Variants in PACSIN2 observed in about 807,000 individuals in gnomAD.
PACSIN2 encodes protein kinase C and casein kinase substrate in neurons protein 2.
PACSIN2 carries 25 observed loss-of-function variants against 63.8 expected under a neutral mutation model. That is an observed-to-expected ratio of 0.39 (90% confidence interval 0.29 to 0.55). The LOEUF is 0.55. Ranked by LOEUF, PACSIN2 falls within the 20% of genes least tolerant of loss-of-function variation. The pLI is 0.62. For synonymous variants in PACSIN2, 255 were observed against 256.2 expected (o/e 1.00, Z 0.05); for missense variants, 518 against 646.9 (o/e 0.80, Z 2.16).
intron 1 of PACSIN2, among the ~76,000 whole-genome samples, chr22:42,951,356 C>G (rs1933683444): frequency 6.6e-6 from 1 of 152,234 alleles, no homozygotes; most frequent in African/African-American, 2.4e-5. Context: ...GCCCAGGGCT[C>G]AGCCTCCTCT....
Position 43,007,607 on chromosome 22 carries a change from C to T in PACSIN2, c.-78+7414G>A, listed in dbSNP as rs527832402. 2.0e-4 allele frequency among the ~76,000 whole-genome samples: 31 copies of T among 152,318 alleles called. 2 individuals carry two copies. In the South Asian group the frequency reaches 6.4e-3, roughly 32 times the overall value. On this transcript the variant is annotated intron_variant, in intron 1 of 10. Coordinates refer to ENST00000263246, the MANE Select transcript of PACSIN2 (RefSeq NM_001184970.3). ...AGCACCTGTGGCTCTGGCACAATCC[C>T]TCCCAAGTCACTTCCCTGAAGGTCA...
At chr22:42,947,672 G>T (rs901784056) in intron 1 of PACSIN2, among the ~76,000 whole-genome samples, 2 of 141,064 alleles carry the variant, frequency 1.4e-5, no homozygotes, top group African/African-American at 5.1e-5. Context: ...AGACCCCTGG[G>T]GGTGGGGGGG....
intron 1 of PACSIN2, among the ~76,000 whole-genome samples, chr22:42,960,188 C>G (rs1601581799): frequency 6.6e-6 from 1 of 152,328 alleles, no homozygotes; most frequent in Middle Eastern, 3.4e-3. Flanking sequence ...CTAATATCTT[C>G]TTGTATTTGG....
chr22:43,006,390 C>G (rs893992945), intron 1 of PACSIN2, among the ~76,000 whole-genome samples: 4 of 152,222 alleles, frequency 2.6e-5, no homozygotes, highest in African/African-American at 4.8e-5. Context: ...CGAACCCACA[C>G]CCAAGGGCTG....
At chr22:42,975,799 T>C (rs571684921) in intron 1 of PACSIN2, among the ~76,000 whole-genome samples, 1 of 152,282 alleles carries the variant, frequency 6.6e-6, no homozygotes, top group African/African-American at 2.4e-5. Context: ...CATTTATTAG[T>C]ATGTTCCAAA....
intron 1 of PACSIN2, chr22:42,947,134 C>G (rs1365692116): frequency 6.6e-6 from 1 of 152,260 alleles, no homozygotes; most frequent in Admixed American, 6.5e-5. Flanking sequence ...CAGAAAGATT[C>G]TCCTGGCATA....
At chr22:42,982,197 C>T (rs1922220513) in intron 1 of PACSIN2, among the ~76,000 whole-genome samples, 1 of 97,530 alleles carries the variant, frequency 1.0e-5, no homozygotes, top group Non-Finnish European at 2.1e-5. Flanking sequence ...GCCGCCCCTA[C>T]TGGGAAGTGA....
At chr22:42,893,649 G>C in intron 2 of PACSIN2, 36 bp from the exon 3 acceptor site, 1 of 1,600,158 alleles carries the variant, frequency 6.2e-7, no homozygotes. Flanking sequence ...CAGGGGGCTT[G>C]GGGCAGCCTG....
intron 8 of PACSIN2, 150 bp downstream of exon 8, chr22:42,878,898 C>T (rs1928850639): frequency 3.5e-6 from 3 of 864,874 alleles, no homozygotes; most frequent in Admixed American, 6.0e-5. Flanking sequence ...CCAGGAACCT[C>T]CCAGGTGTCC....
intron 1 of PACSIN2, chr22:42,947,048 C>CT (rs2146817666): frequency 6.6e-6 from 1 of 152,406 alleles, no homozygotes; most frequent in Non-Finnish European, 1.5e-5. Flanking sequence ...ACAGCTCTCC[C>CT]TTAAGCTGCA....
intron 1 of PACSIN2, among the ~76,000 whole-genome samples, chr22:42,926,798 T>C (rs370192258): frequency 5.3e-5 from 8 of 151,262 alleles, no homozygotes; most frequent in African/African-American, 1.7e-4. Flanking sequence ...CGCCTGTGAA[T>C]AGCCACTGCA....
At chr22:42,923,529 G>C (rs941136797) in intron 1 of PACSIN2, among the ~76,000 whole-genome samples, 4 of 152,108 alleles carry the variant, frequency 2.6e-5, no homozygotes, top group African/African-American at 9.7e-5. Context: ...CCGGGTTCAC[G>C]CCATTCTCCT....
At chr22:43,013,703 G>T (rs1924650898) in intron 1 of PACSIN2, among the ~76,000 whole-genome samples, 1 of 152,222 alleles carries the variant, frequency 6.6e-6, no homozygotes, top group African/African-American at 2.4e-5. Flanking sequence ...GCACCGAAAA[G>T]GAGGGAAGGA....
chr22:42,932,063 C>T (rs941008043), intron 1 of PACSIN2, among the ~76,000 whole-genome samples: 1 of 152,166 alleles, frequency 6.6e-6, no homozygotes, highest in African/African-American at 2.4e-5. Context: ...ACCCTAACTC[C>T]TCCGCTGTAC....
intron 1 of PACSIN2, among the ~76,000 whole-genome samples, chr22:42,986,221 T>G (rs552461228): frequency 6.6e-6 from 1 of 152,228 alleles, no homozygotes; most frequent in East Asian, 1.9e-4. Context: ...AAAGAGAACT[T>G]GACCAACAGA....
intron 1 of PACSIN2, among the ~76,000 whole-genome samples, chr22:42,988,942 C>T (rs1922818121): frequency 6.6e-6 from 1 of 151,990 alleles, no homozygotes; most frequent in East Asian, 1.9e-4. Flanking sequence ...TGCAGTGGCG[C>T]AATCATGGCT....
chr22:42,943,281 T>A (rs1451037720), intron 1 of PACSIN2, among the ~76,000 whole-genome samples: 1 of 152,124 alleles, frequency 6.6e-6, no homozygotes. Flanking sequence ...ATTCTAAGAG[T>A]TTTTTTGGTG....
At chr22:42,936,345 T>A (rs1367201194) in intron 1 of PACSIN2, among the ~76,000 whole-genome samples, 2 of 152,088 alleles carry the variant, frequency 1.3e-5, no homozygotes, top group Admixed American at 1.3e-4. Context: ...AAACAATCCA[T>A]GTTGGTTCCC....
chr22:42,897,906 G>A (rs1032711570), intron 2 of PACSIN2, among the ~76,000 whole-genome samples: 2 of 152,226 alleles, frequency 1.3e-5, no homozygotes, highest in African/African-American at 2.4e-5. Context: ...GGGGCCCTGA[G>A]AGAAGTCAGC....
Sources: allele counts gnomAD v4.1 joint callset (sites outside exome capture counted in the v4.1 genomes callset), GRCh38; gene constraint gnomAD v4.1.1; transcripts MANE v1.5; gene names NCBI Gene and HGNC (gene_info 2026-07-23, HGNC 2026-07-21).